NCOA1: variants seen among roughly 807,000 people sequenced by gnomAD.
NCOA1 encodes Hin-2 protein.
In NCOA1, 35 loss-of-function variants were observed where a neutral mutation model predicts 150.9. The observed-to-expected ratio is 0.23, with a 90% CI of 0.18 to 0.31. The LOEUF (loss-of-function observed/expected upper bound fraction) is 0.31, where lower values mean the gene tolerates loss of function less well. NCOA1 is among the 10% of genes least tolerant of loss of function. The probability of loss-of-function intolerance (pLI) is 1.00; values close to 1 mark genes in which losing one functional copy is unlikely to be tolerated. For synonymous variants in NCOA1, 590 were observed against 630.0 expected (o/e 0.94, Z 0.95); for missense variants, 1,491 against 1,749.3 (o/e 0.85, Z 2.63).
chr2:24,645,599 A>G (rs192812775), intron 4 of NCOA1, among the ~76,000 whole-genome samples: 91 of 151,776 alleles, frequency 6.0e-4, no homozygotes, highest in Admixed American at 5.9e-3. Context: ...ATACATTTGT[A>G]TTTACACGTT....
chr2:24,552,313 CATATATATTATATATATATATATATAT>C (rs1264740460), intron 1 of NCOA1, among the ~76,000 whole-genome samples: 2 of 80,256 alleles, frequency 2.5e-5, no homozygotes, highest in African/African-American at 1.1e-4. Flanking sequence ...CACTGTGCTT[CATATATATTATATATATATATATATAT>C]ATATATATAT....
intron 1 of NCOA1, among the ~76,000 whole-genome samples, chr2:24,558,864 A>G (rs1666186372): frequency 6.6e-6 from 1 of 152,076 alleles, no homozygotes; most frequent in Non-Finnish European, 1.5e-5. Context: ...GTCTTGGGGT[A>G]ATGCCAGGGC....
At chr2:24,517,941 CATAGTTCCTTCTGGTA>C (rs1288771822) in intron 1 of NCOA1, among the ~76,000 whole-genome samples, 1 of 152,118 alleles carries the variant, frequency 6.6e-6, no homozygotes, top group African/African-American at 2.4e-5. Context: ...TTAATTTTTA[CATAGTTCCTTCTGGTA>C]GTTGTCTACA....
intron 14 of NCOA1, among the ~76,000 whole-genome samples, chr2:24,715,806 T>C (rs1381172193): frequency 6.6e-6 from 1 of 152,186 alleles, no homozygotes; most frequent in Non-Finnish European, 1.5e-5. Context: ...ATATCAGTTA[T>C]TCCAAAATCA....
chr2:24,513,252 T>C (rs1469445425), intron 1 of NCOA1, among the ~76,000 whole-genome samples: 1 of 152,244 alleles, frequency 6.6e-6, no homozygotes, highest in African/African-American at 2.4e-5. Flanking sequence ...TTCAGCCTTC[T>C]CTGTACCCTC....
Position 24,742,168 on chromosome 2 carries a change from T to C in NCOA1, c.3688T>C (p.Phe1230Leu), listed in dbSNP as rs140920046. 8.1e-6 allele frequency: 13 copies of C among 1,612,540 alleles called. No homozygotes were observed. The highest frequency in any genetic ancestry group is 9.3e-6 in the Non-Finnish European group (11 of 1,179,150). Residue 1230 changes from phenylalanine to leucine, a missense_variant, in exon 19 of 23, where the codon TTC becomes CTC. Transcript: ENST00000348332. ...CAATCCTCAGATGCAGCAGAATGTCTTCCAGTATCCAGGAGCAGGTAGGAA... is the reference window on the plus strand; with the variant it reads ...CAATCCTCAGATGCAGCAGAATGTCCTCCAGTATCCAGGAGCAGGTAGGAA... ...GINPQMQQNV[F>L]QYPGAGMVPQ... is the part of the protein sequence containing the mutation.
At chr2:24,619,686 G>C (rs530502870) in intron 3 of NCOA1, among the ~76,000 whole-genome samples, 21 of 152,234 alleles carry the variant, frequency 1.4e-4, no homozygotes, top group Admixed American at 7.8e-4. Flanking sequence ...GGTCGGGGCA[G>C]GGGGACAGAT....
At chr2:24,671,277 A>T (rs1671671267) in intron 6 of NCOA1, among the ~76,000 whole-genome samples, 1 of 152,130 alleles carries the variant, frequency 6.6e-6, no homozygotes, top group African/African-American at 2.4e-5. Flanking sequence ...AAAAGTTTGT[A>T]CAATTGTCCC....
chr2:24,631,432 G>T (rs999759528), intron 3 of NCOA1, among the ~76,000 whole-genome samples: 2 of 152,094 alleles, frequency 1.3e-5, no homozygotes, highest in African/African-American at 4.8e-5. Context: ...TAAATCATTG[G>T]TATTTTAATT....
intron 4 of NCOA1, among the ~76,000 whole-genome samples, chr2:24,658,163 G>A (rs1408966215): frequency 6.6e-6 from 1 of 152,144 alleles, no homozygotes; most frequent in Non-Finnish European, 1.5e-5. Context: ...TCTAAATCTA[G>A]TTTATCACTT....
At chr2:24,495,554 G>A (rs1663170553) in intron 1 of NCOA1, among the ~76,000 whole-genome samples, 1 of 152,074 alleles carries the variant, frequency 6.6e-6, no homozygotes, top group Non-Finnish European at 1.5e-5. Flanking sequence ...TGACCATTAG[G>A]CACAGACAGG....
chr2:24,609,765 C>T (rs866229786), intron 3 of NCOA1, among the ~76,000 whole-genome samples: 10 of 151,410 alleles, frequency 6.6e-5, no homozygotes, highest in Middle Eastern at 3.4e-3. Context: ...CTGGTAACTT[C>T]TTAGACATTT....
chr2:24,507,583 G>A (rs75600935), intron 1 of NCOA1, among the ~76,000 whole-genome samples: 8,473 of 151,458 alleles, frequency 0.056, 325 homozygotes, highest in Non-Finnish European at 0.08. Context: ...ATTTCTTTGT[G>A]TTGGAAACAT....
chr2:24,564,581 A>G (rs555389162), intron 2 of NCOA1, 151 bp downstream of exon 2: 2 of 152,156 alleles, frequency 1.3e-5, no homozygotes, highest in Non-Finnish European at 2.9e-5. Flanking sequence ...CTTTCCCACT[A>G]TACTCCCAAA....
chr2:24,699,759 CT>C (rs1255017537), intron 11 of NCOA1, among the ~76,000 whole-genome samples: 1 of 151,620 alleles, frequency 6.6e-6, no homozygotes, highest in Non-Finnish European at 1.5e-5. Flanking sequence ...CAATGAAACA[CT>C]TTCATGAGAA....
At chr2:24,707,989 T>C in intron 13 of NCOA1, 101 bp downstream of exon 13, 1 of 1,387,210 alleles carries the variant, frequency 7.2e-7, no homozygotes, top group Admixed American at 2.7e-5. Context: ...TACTATGTTT[T>C]ATCCTATCCA....
At chr2:24,515,013 A>C (rs1225795069) in intron 1 of NCOA1, among the ~76,000 whole-genome samples, 2 of 152,184 alleles carry the variant, frequency 1.3e-5, no homozygotes, top group African/African-American at 4.8e-5. Flanking sequence ...AGTGCTTATC[A>C]ATCTGTGACC....
At chr2:24,523,605 C>CAAAAAAAAAAAAAAAAAAAAAAAAAAA (rs979559677) in intron 1 of NCOA1, among the ~76,000 whole-genome samples, 5 of 17,704 alleles carry the variant, frequency 2.8e-4, no homozygotes, top group Admixed American at 6.1e-4. Flanking sequence ...GACTCCGTCT[C>CAAAAAAAAAAAAAAAAAAAAAAAAAAA]AAAAAAAAAA....
chr2:24,705,296 ATTT>A (rs1673363870), intron 12 of NCOA1, 63 bp downstream of exon 12: 2 of 1,519,296 alleles, frequency 1.3e-6, no homozygotes, highest in Middle Eastern at 3.5e-4. Context: ...TATTAGAGAA[ATTT>A]TTTATACTCT....
Sources: gnomAD v4.1 joint callset for allele counts (sites outside exome capture counted in the v4.1 genomes callset) on GRCh38, gnomAD v4.1.1 for gene constraint, MANE v1.5 for transcripts, NCBI Gene and HGNC (gene_info 2026-07-23, HGNC 2026-07-21) for gene names.